Variants in CSMD1 observed in about 807,000 individuals in gnomAD.
The protein encoded by CSMD1 is CUB and sushi domain-containing protein 1.
In CSMD1, 213 loss-of-function variants were observed where a neutral mutation model predicts 417.5. That is an observed-to-expected ratio of 0.51 (90% CI 0.46 to 0.57). The LOEUF is 0.57. CSMD1 is among the 20% of genes least tolerant of loss of function. The pLI is 0.00. For missense variants in CSMD1, 6,923 were observed against 4,529.7 expected, an observed-to-expected ratio of 1.53 and a Z score of -15.17; for synonymous variants, 2,862 against 1,736.8, an observed-to-expected ratio of 1.65 and a Z score of -16.11.
At chr8:4,039,971 A>G (rs958938287) in intron 3 of CSMD1, among the ~76,000 whole-genome samples, 2 of 152,216 alleles carry the variant, frequency 1.3e-5, no homozygotes, top group Admixed American at 6.5e-5. Context: ...AAGATATCAC[A>G]AATCAGGGCA....
At chr8:4,569,764 A>C (rs1798793872) in intron 2 of CSMD1, among the ~76,000 whole-genome samples, 1 of 152,116 alleles carries the variant, frequency 6.6e-6, no homozygotes, top group South Asian at 2.1e-4. Context: ...GATTCTTTCT[A>C]TCCATGAGCA....
At chr8:3,327,502 A>T (rs1365392263) in intron 23 of CSMD1, among the ~76,000 whole-genome samples, 1 of 152,134 alleles carries the variant, frequency 6.6e-6, no homozygotes. Context: ...TAACATACAC[A>T]TCTTTTTATT....
chr8:4,289,413 C>CGAAAA (rs1797238164), intron 3 of CSMD1, among the ~76,000 whole-genome samples: 1 of 34,494 alleles, frequency 2.9e-5, no homozygotes, highest in African/African-American at 6.5e-5. Context: ...GAGCCAGGGC[C>CGAAAA]TGTGTTTCTC....
At chr8:3,025,753 T>C (rs1585177575) in intron 51 of CSMD1, among the ~76,000 whole-genome samples, 1 of 152,336 alleles carries the variant, frequency 6.6e-6, no homozygotes, top group South Asian at 2.1e-4. Flanking sequence ...AATGATGACA[T>C]TCTTCACATT....
At chr8:4,304,498 T>G (rs1318270423) in intron 3 of CSMD1, among the ~76,000 whole-genome samples, 1 of 152,158 alleles carries the variant, frequency 6.6e-6, no homozygotes, top group Non-Finnish European at 1.5e-5. Context: ...GACACAAACG[T>G]AAGCCTTACT....
intron 68 of CSMD1, among the ~76,000 whole-genome samples, chr8:2,948,227 G>C (rs1802386191): frequency 6.6e-6 from 1 of 152,008 alleles, no homozygotes. Flanking sequence ...AAGAGCTGTA[G>C]CATGCACAAA....
intron 3 of CSMD1, among the ~76,000 whole-genome samples, chr8:4,268,335 G>C (rs937717031): frequency 2.0e-5 from 3 of 152,108 alleles, no homozygotes; most frequent in East Asian, 1.9e-4. Flanking sequence ...ATATTAATTA[G>C]ATTCTTTTTG....
intron 2 of CSMD1, among the ~76,000 whole-genome samples, chr8:4,561,476 A>G (rs1202639616): frequency 6.6e-6 from 1 of 152,184 alleles, no homozygotes; most frequent in Admixed American, 6.5e-5. Context: ...TGAGTCCGGG[A>G]GTTCAGGACC....
At chr8:3,942,347 C>T (rs539496986) in intron 5 of CSMD1, among the ~76,000 whole-genome samples, 41 of 152,198 alleles carry the variant, frequency 2.7e-4, no homozygotes, top group South Asian at 8.3e-4. Context: ...TGGTGTCAGG[C>T]GCCAAAATGG....
intron 3 of CSMD1, among the ~76,000 whole-genome samples, chr8:4,184,927 C>A (rs931905582): frequency 2.0e-5 from 3 of 150,224 alleles, no homozygotes; most frequent in Non-Finnish European, 4.4e-5. Flanking sequence ...CACCTGAGGT[C>A]AGGAGTTCAA....
intron 51 of CSMD1, among the ~76,000 whole-genome samples, chr8:3,026,587 G>C (rs1320866208): frequency 1.3e-5 from 2 of 150,306 alleles, no homozygotes; most frequent in African/African-American, 2.5e-5. Flanking sequence ...CACTGGGCTT[G>C]ACTGGGCCTC....
intron 49 of CSMD1, among the ~76,000 whole-genome samples, chr8:3,068,140 G>A (rs1022378209): frequency 9.2e-5 from 14 of 151,864 alleles, no homozygotes; most frequent in Admixed American, 5.9e-4. Context: ...CTTGAACAGA[G>A]GTTCAAACAC....
At chr8:3,287,075 T>C (rs1803216324) in intron 25 of CSMD1, among the ~76,000 whole-genome samples, 1 of 152,136 alleles carries the variant, frequency 6.6e-6, no homozygotes, top group Non-Finnish European at 1.5e-5. Context: ...ATTTATTAAA[T>C]AGGGAATGCT....
chr8:4,013,447 A>AG (rs1484712105), intron 4 of CSMD1, among the ~76,000 whole-genome samples: 1 of 152,090 alleles, frequency 6.6e-6, no homozygotes, highest in Non-Finnish European at 1.5e-5. Flanking sequence ...TTCTACTATC[A>AG]GGGGGGTTTC....
intron 3 of CSMD1, among the ~76,000 whole-genome samples, chr8:4,055,112 T>C: frequency 6.6e-6 from 1 of 152,204 alleles, no homozygotes; most frequent in Non-Finnish European, 1.5e-5. Context: ...CTTTGAGCTT[T>C]GTGTAGTAGA....
intron 7 of CSMD1, among the ~76,000 whole-genome samples, chr8:3,705,326 G>C (rs1478846204): frequency 6.6e-6 from 1 of 152,164 alleles, no homozygotes; most frequent in Non-Finnish European, 1.5e-5. Flanking sequence ...CAGCTTCAGG[G>C]GGCTGCAGGA....
intron 3 of CSMD1, among the ~76,000 whole-genome samples, chr8:4,124,208 G>C (rs1331876940): frequency 6.6e-6 from 1 of 152,128 alleles, no homozygotes; most frequent in African/African-American, 2.4e-5. Context: ...CCAGGAGGAA[G>C]CTTCAGGGCT....
chr8:4,026,579 C>G (rs1390032905), intron 4 of CSMD1, among the ~76,000 whole-genome samples: 1 of 152,206 alleles, frequency 6.6e-6, no homozygotes, highest in Admixed American at 6.5e-5. Context: ...TTTAATGTCA[C>G]AAGGAACTAA....
chr8:3,556,390 T>TA (rs1214630342), intron 10 of CSMD1, among the ~76,000 whole-genome samples: 24 of 105,280 alleles, frequency 2.3e-4, no homozygotes, highest in South Asian at 5.9e-4. Context: ...TTTATAATAA[T>TA]TAATATATAT....
Sources: gnomAD v4.1 joint callset for allele counts (sites outside exome capture counted in the v4.1 genomes callset) on GRCh38, gnomAD v4.1.1 for gene constraint, MANE v1.5 for transcripts, NCBI Gene and HGNC (gene_info 2026-07-23, HGNC 2026-07-21) for gene names.